The following EWSR1 variants were observed in gnomAD, a reference collection of about 807,000 sequenced individuals.
EWSR1 encodes the protein EWS RNA binding protein 1.
A neutral mutation model predicts 92.1 loss-of-function variants in EWSR1; 14 were observed. The ratio of observed to expected loss-of-function variants is 0.15; its 90% CI spans 0.10 to 0.24. EWSR1 has a LOEUF of 0.24. EWSR1 is among the 10% of genes least tolerant of loss of function. The pLI is 1.00. For synonymous variants in EWSR1, 303 were observed against 292.9 expected, an observed-to-expected ratio of 1.03 and a Z score of -0.35; for missense variants, 637 against 870.9, an observed-to-expected ratio of 0.73 and a Z score of 3.38.
intron 6 of EWSR1, 79 bp downstream of exon 6, chr22:29,282,636 TC>T: frequency 1.6e-6 from 2 of 1,254,298 alleles, no homozygotes; most frequent in Non-Finnish European, 2.2e-6. Context: ...TGCTTTGACT[TC>T]TTCAGCTAAG....
At chr22:29,291,743 T>A in intron 9 of EWSR1, 144 bp downstream of exon 9, 1 of 735,630 alleles carries the variant, frequency 1.4e-6, no homozygotes, top group Non-Finnish European at 2.2e-6. Context: ...GGCATTGTCT[T>A]AGGGGTTAAT....
intron 11 of EWSR1, 78 bp from the exon 12 acceptor site, chr22:29,296,161 T>C: frequency 6.9e-7 from 1 of 1,455,800 alleles, no homozygotes; most frequent in Non-Finnish European, 9.3e-7. Flanking sequence ...ATTGGTACTT[T>C]TCCTGGATTT....
At position 29,299,266 on chromosome 22, in the gene EWSR1, C is replaced by T. The variant is rs1257235068; in HGVS notation, c.1613C>T (p.Thr538Ile). Residue 538 changes from threonine (T) to isoleucine (I), a missense_variant, in exon 15 of 17, where the codon ACA becomes ATA. Coordinates refer to ENST00000397938, the MANE Select transcript of EWSR1 (RefSeq NM_005243.4). ...GGAAACCAGAACTTCGCCTGGAGAA[C>T]AGAGTGCAACCAGTGTAAGGCCCCA... ...GCGNQNFAWR[T>I]ECNQCKAPKP... 6.2e-6 allele frequency: 10 copies of T among 1,614,102 alleles called. No homozygotes were observed. The highest frequency in any genetic ancestry group is 8.5e-6 in the Non-Finnish European group (10 of 1,179,952).
intron 3 of EWSR1, among the ~76,000 whole-genome samples, chr22:29,273,070 T>C (rs1271703112): frequency 6.6e-6 from 1 of 152,230 alleles, no homozygotes; most frequent in Non-Finnish European, 1.5e-5. Context: ...TAACTGGTCA[T>C]TTAAACAAAC....
intron 6 of EWSR1, 143 bp from the exon 7 acceptor site, chr22:29,286,780 C>T (rs2060074434): frequency 3.5e-6 from 2 of 574,788 alleles, no homozygotes; most frequent in Middle Eastern, 2.8e-4. Flanking sequence ...AGTTGAAATT[C>T]AAATTGTTGA....
intron 13 of EWSR1, 102 bp downstream of exon 13, chr22:29,298,051 A>G: frequency 2.3e-6 from 3 of 1,309,722 alleles, no homozygotes; most frequent in Non-Finnish European, 3.2e-6. Flanking sequence ...AATTGTGTGT[A>G]GAGTCAATAC....
intron 3 of EWSR1, among the ~76,000 whole-genome samples, chr22:29,272,682 A>G (rs933498793): frequency 6.6e-5 from 10 of 152,196 alleles, no homozygotes; most frequent in Non-Finnish European, 1.2e-4. Flanking sequence ...GCCCTGTTCC[A>G]TGCTTGGTCC....
chr22:29,280,002 G>T (rs993259882), intron 5 of EWSR1, among the ~76,000 whole-genome samples: 1 of 151,664 alleles, frequency 6.6e-6, no homozygotes, highest in Non-Finnish European at 1.5e-5. Flanking sequence ...CTGCTTTTTC[G>T]ACTGGAAAAG....
At position 29,286,686 on chromosome 22, in the gene EWSR1, CAAAAAAAA is replaced by C. The variant is rs373796997; in HGVS notation, c.582-218_582-211del. Among the ~76,000 whole-genome samples, 77 of 76,354 alleles carry C rather than the reference CAAAAAAAA, an allele frequency of 1.0e-3. 1 individual carries two copies. In the South Asian group the frequency reaches 0.035, roughly 35 times the overall value. The allele number at this position is 76,354 out of a possible 152,430, so 50.1% of individuals were successfully genotyped here. On this transcript the variant is annotated intron_variant, in intron 6 of 16. Coordinates refer to ENST00000397938, the MANE Select transcript of EWSR1 (RefSeq NM_005243.4). ...TAGGCAACAGAGCAACACTCTGTCT[CAAAAAAAA>C]AAAAAAAAAAAAAAAAAATTTTTTT...
At chr22:29,273,604 T>G in intron 3 of EWSR1, 137 bp from the exon 4 acceptor site, 1 of 933,928 alleles carries the variant, frequency 1.1e-6, no homozygotes, top group Non-Finnish European at 1.6e-6. Flanking sequence ...TTTGTCTTGT[T>G]TTGTTGTTTT....
intron 5 of EWSR1, among the ~76,000 whole-genome samples, chr22:29,281,472 T>C (rs2059597209): frequency 6.6e-6 from 1 of 152,062 alleles, no homozygotes; most frequent in Non-Finnish European, 1.5e-5. Context: ...ACCTGGCTAA[T>C]ATTTTTCTAT....
At chr22:29,274,060 G>A (rs1263310275) in intron 4 of EWSR1, among the ~76,000 whole-genome samples, 196 bp downstream of exon 4, 1 of 152,174 alleles carries the variant, frequency 6.6e-6, no homozygotes, top group Non-Finnish European at 1.5e-5. Flanking sequence ...GAATGTGGGT[G>A]GGATAAATTC....
intron 11 of EWSR1, among the ~76,000 whole-genome samples, chr22:29,292,902 G>C (rs1483532166): frequency 6.6e-6 from 1 of 151,372 alleles, no homozygotes; most frequent in Non-Finnish European, 1.5e-5. Context: ...GATTACAGGT[G>C]TGCGCCACCA....
intron 6 of EWSR1, 29 bp from the exon 7 acceptor site, chr22:29,286,891 GCTT>G (rs750459600): frequency 4.1e-6 from 6 of 1,470,110 alleles, no homozygotes; most frequent in Non-Finnish European, 3.8e-6. Flanking sequence ...TTCTAAAAAA[GCTT>G]TTTTTTTTTT....
At chr22:29,290,370 G>A (rs752928831) in intron 8 of EWSR1, 9 of 1,573,706 alleles carry the variant, frequency 5.7e-6, no homozygotes, top group East Asian at 2.3e-5. Context: ...GCTGTTAAAC[G>A]TGGAAACTTT....
chr22:29,271,213 T>A (rs761196884), intron 1 of EWSR1, among the ~76,000 whole-genome samples: 1 of 152,186 alleles, frequency 6.6e-6, no homozygotes, highest in Non-Finnish European at 1.5e-5. Flanking sequence ...GAACAAGATA[T>A]GTGTTCTTGT....
intron 5 of EWSR1, 114 bp downstream of exon 5, chr22:29,278,330 C>A: frequency 1.0e-6 from 1 of 960,300 alleles, no homozygotes; most frequent in Non-Finnish European, 1.5e-6. Flanking sequence ...CTTTCATATA[C>A]TCTCAGATGT....
intron 3 of EWSR1, 120 bp from the exon 4 acceptor site, chr22:29,273,621 G>GT (rs1010104157): frequency 2.6e-6 from 3 of 1,157,852 alleles, no homozygotes; most frequent in African/African-American, 1.5e-5. Context: ...TTTTTGTTTT[G>GT]TTTTTTTAAT....
At chr22:29,297,042 T>A (rs996072915) in intron 12 of EWSR1, among the ~76,000 whole-genome samples, 1 of 152,174 alleles carries the variant, frequency 6.6e-6, no homozygotes, top group African/African-American at 2.4e-5. Flanking sequence ...GGAGCAAGAC[T>A]CTGTCTCAAA....
Sources: gnomAD v4.1 joint callset for allele counts (sites outside exome capture counted in the v4.1 genomes callset) on GRCh38, gnomAD v4.1.1 for gene constraint, MANE v1.5 for transcripts, NCBI Gene and HGNC (gene_info 2026-07-23, HGNC 2026-07-21) for gene names.